CCDC169: variants seen among roughly 807,000 people sequenced by gnomAD.
CCDC169 encodes coiled-coil domain-containing protein 169.
Under a neutral mutation model 36.0 loss-of-function variants are expected in CCDC169, and 30 were observed. The observed-to-expected ratio is 0.83, with a 90% CI of 0.62 to 1.13. The LOEUF is 1.13. Among genes scored for constraint, CCDC169 ranks in the 50% most tolerant of loss-of-function variants. The pLI is 0.00. For synonymous variants in CCDC169, 85 were observed against 81.5 expected, an observed-to-expected ratio of 1.04 and a Z score of -0.23; for missense variants, 245 against 245.9, an observed-to-expected ratio of 1.00 and a Z score of 0.03.
chr13:36,284,426 T>C (rs1877922829), intron 2 of CCDC169, among the ~76,000 whole-genome samples: 1 of 152,228 alleles, frequency 6.6e-6, no homozygotes, highest in African/African-American at 2.4e-5. Flanking sequence ...ATTCTTAAGA[T>C]GACAGAGCTA....
chr13:36,288,676 T>C (rs1377850793), intron 2 of CCDC169, among the ~76,000 whole-genome samples: 2 of 152,160 alleles, frequency 1.3e-5, no homozygotes, highest in Non-Finnish European at 2.9e-5. Context: ...AGAATTCTAA[T>C]ATATAATTCT....
At chr13:36,273,505 C>A (rs911434180) in intron 4 of CCDC169, among the ~76,000 whole-genome samples, 4 of 152,104 alleles carry the variant, frequency 2.6e-5, no homozygotes, top group Non-Finnish European at 5.9e-5. Flanking sequence ...ACTAGCTTCA[C>A]AAGCAAAAAA....
At chr13:36,238,744 C>T (rs1871381120) in intron 7 of CCDC169, among the ~76,000 whole-genome samples, 1 of 152,062 alleles carries the variant, frequency 6.6e-6, no homozygotes, top group Non-Finnish European at 1.5e-5. Context: ...TAATAACTAA[C>T]TAATGACACT....
At chr13:36,228,062 A>G (rs1288454216), downstream of CCDC169, among the ~76,000 whole-genome samples, 4 of 152,160 alleles carry the variant, frequency 2.6e-5, no homozygotes, top group African/African-American at 9.7e-5. Context: ...TATTTACCCA[A>G]TCATCAGCTG....
In CCDC169 at chr13:36,283,708, TAA is replaced by T; in HGVS notation, c.164-8_164-7del. The stretch of plus-strand genomic sequence containing the variant: ...ACGGGTTTTCCATTCACTACCTGAG[TAA>T]AAACAGGGAGAAACAATCAAGATCA... On this transcript the variant is annotated splice_polypyrimidine_tract_variant and splice_region_variant and intron_variant, in intron 2 of 7. Coordinates refer to ENST00000239859, the MANE Select transcript of CCDC169 (RefSeq NM_001144981.3). 6.5e-7 allele frequency: 1 copy of T among 1,542,752 alleles called. No homozygotes were observed. Among genetic ancestry groups the T allele is most frequent in the Middle Eastern group, 1.7e-4 (1 of 5,968 alleles).
At chr13:36,243,759 T>C (rs1342660743) in intron 7 of CCDC169, among the ~76,000 whole-genome samples, 1 of 152,138 alleles carries the variant, frequency 6.6e-6, no homozygotes, top group African/African-American at 2.4e-5. Flanking sequence ...TGAGCCAAGA[T>C]CGCGCCATGG....
intron 7 of CCDC169, among the ~76,000 whole-genome samples, chr13:36,233,945 T>C (rs1870757541): frequency 6.6e-6 from 1 of 152,196 alleles, no homozygotes; most frequent in African/African-American, 2.4e-5. Context: ...CCACCTCTCC[T>C]TTCTATGCTT....
At chr13:36,223,952 A>G (rs1432044036), downstream of CCDC169, 1 of 152,194 alleles carries the variant, frequency 6.6e-6, no homozygotes, top group Non-Finnish European at 1.5e-5. Flanking sequence ...TAAAATTGAT[A>G]TAGGTAACTC....
At chr13:36,295,641 T>G in intron 2 of CCDC169, 137 bp downstream of exon 2, 1 of 478,146 alleles carries the variant, frequency 2.1e-6, no homozygotes. Flanking sequence ...TCATAAACTA[T>G]CATTAATGTG....
At chr13:36,277,176 A>G (rs1179418493) in intron 4 of CCDC169, among the ~76,000 whole-genome samples, 5 of 152,164 alleles carry the variant, frequency 3.3e-5, no homozygotes, top group Non-Finnish European at 7.3e-5. Flanking sequence ...ATATGGATGG[A>G]GCTGAAAGCC....
At chr13:36,287,306 G>T (rs1184096799) in intron 2 of CCDC169, among the ~76,000 whole-genome samples, 1 of 151,902 alleles carries the variant, frequency 6.6e-6, no homozygotes, top group African/African-American at 2.4e-5. Context: ...GGGTAAAAGC[G>T]GTTTAAAAAA....
At chr13:36,222,508 C>G (rs1869667212), downstream of CCDC169, 1 of 152,222 alleles carries the variant, frequency 6.6e-6, no homozygotes, top group Non-Finnish European at 1.5e-5. Flanking sequence ...TGAGGTCCAA[C>G]TAGCCAGTGT....
rs1555254466 is a variant in CCDC169, at chr13:36,285,614, G to GATAGATAC, written c.164-1920_164-1913dup. ...AGATAGATAGATAGATAGATAGATA[G>GATAGATAC]ATAGATACATAGATACATAGATACA... On this transcript the variant is annotated intron_variant, in intron 2 of 7. Coordinates refer to ENST00000239859, the MANE Select transcript of CCDC169 (RefSeq NM_001144981.3). Among the ~76,000 whole-genome samples, 476 of 138,146 alleles carry GATAGATAC rather than the reference G, an allele frequency of 3.4e-3. 2 individuals carry two copies. Among genetic ancestry groups the GATAGATAC allele is most frequent in the East Asian group, 0.019 (88 of 4,732 alleles). 90.6% of individuals were successfully genotyped at this position (138,146 alleles called of 152,430 possible).
At chr13:36,267,803 T>C (rs894153523) in intron 4 of CCDC169, among the ~76,000 whole-genome samples, 4 of 152,078 alleles carry the variant, frequency 2.6e-5, no homozygotes, top group African/African-American at 9.7e-5. Flanking sequence ...GTAGTAGCTA[T>C]TCTTATATCA....
intron 4 of CCDC169, among the ~76,000 whole-genome samples, chr13:36,272,926 G>C (rs1181740241): frequency 6.6e-6 from 1 of 152,176 alleles, no homozygotes; most frequent in African/African-American, 2.4e-5. Flanking sequence ...CTGTCTCCCA[G>C]TTTTCAGCTC....
downstream of CCDC169, among the ~76,000 whole-genome samples, chr13:36,229,685 G>A (rs1870210926): frequency 6.6e-6 from 1 of 151,660 alleles, no homozygotes; most frequent in South Asian, 2.1e-4. Context: ...CTATAGGCAT[G>A]CACAACCACT....
chr13:36,253,938 C>T (rs1187125949), intron 5 of CCDC169, 82 bp from the exon 6 acceptor site: 1 of 1,349,486 alleles, frequency 7.4e-7, no homozygotes, highest in South Asian at 1.4e-5. Context: ...GTGTATGTCT[C>T]TATAGTGTAG....
chr13:36,235,859 A>G (rs1871010158), intron 7 of CCDC169, among the ~76,000 whole-genome samples: 1 of 151,976 alleles, frequency 6.6e-6, no homozygotes, highest in Non-Finnish European at 1.5e-5. Context: ...GACACCAGCA[A>G]TATACAGTCC....
chr13:36,252,143 A>T lies in CCDC169; in HGVS notation c.468+1660T>A, dbSNP rs144457687. 1.3e-3 allele frequency among the ~76,000 whole-genome samples: 204 copies of T among 152,320 alleles called. 1 individual carries two copies. The highest frequency in any genetic ancestry group is 4.7e-3 in the African/African-American group (195 of 41,570). On this transcript the variant is annotated intron_variant, in intron 6 of 7. Transcript: ENST00000239859. ...TAGTGTTTGTGCTAGACCTTGAAGG[A>T]TGTGGAATTGGCATGTATGAGAAGG...
Sources: gnomAD v4.1 joint callset for allele counts (sites outside exome capture counted in the v4.1 genomes callset) on GRCh38, gnomAD v4.1.1 for gene constraint, MANE v1.5 for transcripts, NCBI Gene and HGNC (gene_info 2026-07-23, HGNC 2026-07-21) for gene names.